Variants in MAML2 observed in about 807,000 individuals in gnomAD.
MAML2 encodes the protein mastermind like transcriptional coactivator 2, also known as mastermind-like protein 2.
MAML2 carries 22 observed loss-of-function variants against 96.1 expected under a neutral mutation model. That is an observed-to-expected ratio of 0.23 (90% CI 0.16 to 0.33). The LOEUF is 0.33. Ranked by LOEUF, MAML2 falls within the 10% of genes least tolerant of loss-of-function variation. MAML2 has a pLI of 1.00. For synonymous variants in MAML2, 561 were observed against 521.3 expected (o/e 1.08, Z -1.04); for missense variants, 1,367 against 1,392.4 (o/e 0.98, Z 0.29).
At chr11:96,185,707 G>A (rs1373828438) in intron 1 of MAML2, among the ~76,000 whole-genome samples, 2 of 152,170 alleles carry the variant, frequency 1.3e-5, no homozygotes, top group Admixed American at 1.3e-4. Context: ...GCATGTTACT[G>A]CTCAGTGTTC....
intron 1 of MAML2, among the ~76,000 whole-genome samples, chr11:96,277,575 A>C (rs574763167): frequency 6.6e-6 from 1 of 152,032 alleles, no homozygotes; most frequent in South Asian, 2.1e-4. Flanking sequence ...AACATGGTGA[A>C]ACACCGTCTC....
chr11:96,118,861 C>CT lies in MAML2; in HGVS notation c.514-25345dup, dbSNP rs961270254. On this transcript the variant is annotated intron_variant, in intron 1 of 4. Coordinates refer to ENST00000524717, the MANE Select transcript of MAML2 (RefSeq NM_032427.4). ...ACATAATCAAAGACAAAAAAAAATT[C>CT]TTTTTTTTTCCTTTAGGTTAAACAC... Among the ~76,000 whole-genome samples, 57 of 151,326 alleles carry CT rather than the reference C, an allele frequency of 3.8e-4. 2 individuals carry two copies. The South Asian group carries it at 0.011, about 28-fold the overall frequency.
chr11:96,325,155 G>A (rs1016713064), intron 1 of MAML2, among the ~76,000 whole-genome samples: 1 of 151,984 alleles, frequency 6.6e-6, no homozygotes, highest in African/African-American at 2.4e-5. Flanking sequence ...ATGTCTGGGA[G>A]CTGAAGACAT....
intron 1 of MAML2, among the ~76,000 whole-genome samples, chr11:96,167,841 G>T (rs1490475606): frequency 6.6e-6 from 1 of 152,196 alleles, no homozygotes; most frequent in African/African-American, 2.4e-5. Context: ...TTTTCTGGAA[G>T]CCTTTCTTGA....
intron 1 of MAML2, among the ~76,000 whole-genome samples, chr11:96,275,982 T>C (rs1447552196): frequency 6.6e-6 from 1 of 152,184 alleles, no homozygotes; most frequent in African/African-American, 2.4e-5. Flanking sequence ...CTGGAAAATG[T>C]CTAGCATGGT....
intron 2 of MAML2, among the ~76,000 whole-genome samples, chr11:96,013,150 G>T (rs1209406613): frequency 6.6e-6 from 1 of 152,166 alleles, no homozygotes. Flanking sequence ...TGAGGGGCAA[G>T]GGTTAATTGA....
chr11:96,001,633 A>AC lies in MAML2; in HGVS notation c.2140-9911dup, dbSNP rs11349010. 1.9e-4 allele frequency among the ~76,000 whole-genome samples: 28 copies of AC among 151,056 alleles called. No homozygotes were observed. In the South Asian group the frequency reaches 5.3e-3, roughly 28 times the overall value. Reference sequence around the variant, plus strand: ...CCATAGAGCTCAGGTTGAGAACTCAACCCCCCCTCACTCCCCACCGCAAAC... The same window carrying AC: ...CCATAGAGCTCAGGTTGAGAACTCAACCCCCCCCTCACTCCCCACCGCAAAC... On this transcript the variant is annotated intron_variant, in intron 2 of 4. Coordinates refer to ENST00000524717, the MANE Select transcript of MAML2 (RefSeq NM_032427.4).
intron 2 of MAML2, among the ~76,000 whole-genome samples, chr11:96,035,334 A>T (rs1460047741): frequency 2.6e-5 from 4 of 152,210 alleles, no homozygotes; most frequent in African/African-American, 7.2e-5. Flanking sequence ...AGTGTCTTTT[A>T]AAAAAGTAGT....
At chr11:96,284,357 C>T (rs1274624741) in intron 1 of MAML2, among the ~76,000 whole-genome samples, 1 of 152,194 alleles carries the variant, frequency 6.6e-6, no homozygotes. Flanking sequence ...CTCCTAATAT[C>T]TCTAACAACA....
Position 96,037,964 on chromosome 11 carries a change from C to T in MAML2, c.2140-46241G>A, listed in dbSNP as rs376807578. 7.9e-5 allele frequency among the ~76,000 whole-genome samples: 12 copies of T among 152,100 alleles called. No homozygotes were observed. In the East Asian group the frequency reaches 1.5e-3, roughly 20 times the overall value. ...GGTGGGGCTGTGAAAATAGGTATTA[C>T]ATTAACGTACTAAAGAGAATGTTGA... is the stretch of plus-strand genomic sequence containing the variant. On this transcript the variant is annotated intron_variant, in intron 2 of 4. Transcript: ENST00000524717.
intron 2 of MAML2, among the ~76,000 whole-genome samples, chr11:96,051,281 T>C (rs991199756): frequency 1.3e-5 from 2 of 152,154 alleles, no homozygotes; most frequent in African/African-American, 4.8e-5. Flanking sequence ...TCACATTCTA[T>C]GGAAGGAAAA....
intron 1 of MAML2, among the ~76,000 whole-genome samples, chr11:96,299,777 C>T (rs1401225447): frequency 6.6e-6 from 1 of 152,190 alleles, no homozygotes; most frequent in African/African-American, 2.4e-5. Flanking sequence ...GTAGCTTCCT[C>T]CCCTTTGCTG....
intron 1 of MAML2, among the ~76,000 whole-genome samples, chr11:96,131,597 A>G (rs79676401): frequency 0.039 from 5,914 of 152,298 alleles, 401 homozygotes; most frequent in African/African-American, 0.14. Context: ...CAGAAAGTAT[A>G]TTAGTAGTTA....
chr11:96,058,964 C>T (rs971487548), intron 2 of MAML2, among the ~76,000 whole-genome samples: 1 of 152,194 alleles, frequency 6.6e-6, no homozygotes, highest in African/African-American at 2.4e-5. Flanking sequence ...CACCTATAAT[C>T]CCAGCTACTT....
chr11:96,182,064 A>G (rs1186416676), intron 1 of MAML2, among the ~76,000 whole-genome samples: 1 of 152,186 alleles, frequency 6.6e-6, no homozygotes, highest in Admixed American at 6.5e-5. Context: ...ATGGATTGTA[A>G]ATTCAAAGAC....
chr11:96,154,677 A>T (rs1021757823), intron 1 of MAML2, among the ~76,000 whole-genome samples: 5 of 152,186 alleles, frequency 3.3e-5, no homozygotes, highest in African/African-American at 9.7e-5. Flanking sequence ...GGCACTGTGA[A>T]TAAAAAGATG....
At chr11:96,318,580 G>A (rs745976808) in intron 1 of MAML2, among the ~76,000 whole-genome samples, 2 of 152,146 alleles carry the variant, frequency 1.3e-5, no homozygotes, top group East Asian at 3.9e-4. Context: ...TCTGGTCAAG[G>A]CATACTCAGT....
chr11:96,131,635 G>A (rs1054973058), intron 1 of MAML2, among the ~76,000 whole-genome samples: 2 of 152,192 alleles, frequency 1.3e-5, no homozygotes, highest in Non-Finnish European at 2.9e-5. Flanking sequence ...AGGAATATGA[G>A]GAGTGACTGC....
chr11:96,185,987 C>A (rs974985940), intron 1 of MAML2, among the ~76,000 whole-genome samples: 2 of 152,188 alleles, frequency 1.3e-5, no homozygotes, highest in Non-Finnish European at 2.9e-5. Context: ...CCTCCCCAGA[C>A]CTACTGGGTC....
Sources: allele counts gnomAD v4.1 joint callset (sites outside exome capture counted in the v4.1 genomes callset), GRCh38; gene constraint gnomAD v4.1.1; transcripts MANE v1.5; gene names NCBI Gene and HGNC (gene_info 2026-07-23, HGNC 2026-07-21).